The following NLGN1 variants were observed in gnomAD, a reference collection of about 807,000 sequenced individuals.
NLGN1 encodes neuroligin-1.
In NLGN1, 12 loss-of-function variants were observed where a neutral mutation model predicts 65.5. That is an observed-to-expected ratio of 0.18 (90% CI 0.12 to 0.30). The LOEUF (loss-of-function observed/expected upper bound fraction) is 0.30. Among genes scored for constraint, NLGN1 ranks in the 10% least tolerant of loss-of-function variants. The pLI is 1.00. For missense variants in NLGN1, 750 were observed against 1,007.1 expected (o/e 0.74, Z 3.46); for synonymous variants, 350 against 359.5 (o/e 0.97, Z 0.30).
At chr3:174,243,194 C>T (rs1047737396) in intron 4 of NLGN1, among the ~76,000 whole-genome samples, 1 of 152,012 alleles carries the variant, frequency 6.6e-6, no homozygotes, top group Admixed American at 6.5e-5. Flanking sequence ...TTTCTAATAC[C>T]CAAAAAGAAA....
chr3:173,802,579 C>T (rs555739574), intron 3 of NLGN1, among the ~76,000 whole-genome samples: 2 of 152,218 alleles, frequency 1.3e-5, no homozygotes, highest in South Asian at 4.1e-4. Context: ...GTAGATGTGA[C>T]TGTGAATAAA....
chr3:173,638,028 A>G (rs565697628), intron 3 of NLGN1, among the ~76,000 whole-genome samples: 35 of 152,320 alleles, frequency 2.3e-4, no homozygotes, highest in African/African-American at 8.4e-4. Context: ...AGATTTTAAT[A>G]GAGATATTTA....
At chr3:173,646,801 T>C (rs1164230830) in intron 3 of NLGN1, among the ~76,000 whole-genome samples, 1 of 152,120 alleles carries the variant, frequency 6.6e-6, no homozygotes, top group East Asian at 1.9e-4. Context: ...ATGGAACATA[T>C]TGAAAACACA....
intron 4 of NLGN1, among the ~76,000 whole-genome samples, chr3:174,027,828 T>G (rs774710620): frequency 6.6e-6 from 1 of 152,168 alleles, no homozygotes; most frequent in Non-Finnish European, 1.5e-5. Context: ...CATAGATCAG[T>G]GCATATCTGA....
intron 4 of NLGN1, among the ~76,000 whole-genome samples, chr3:174,108,024 T>A (rs918710507): frequency 6.6e-6 from 1 of 152,168 alleles, no homozygotes; most frequent in Non-Finnish European, 1.5e-5. Flanking sequence ...TTGTACCATA[T>A]TTTTATATTT....
chr3:173,667,396 G>T (rs1251488802), intron 3 of NLGN1, among the ~76,000 whole-genome samples: 2 of 151,928 alleles, frequency 1.3e-5, no homozygotes, highest in Non-Finnish European at 2.9e-5. Flanking sequence ...TGGACTTGAA[G>T]AAAAATGGTG....
intron 4 of NLGN1, among the ~76,000 whole-genome samples, chr3:174,201,760 A>T (rs577759393): frequency 6.6e-5 from 10 of 152,326 alleles, no homozygotes; most frequent in African/African-American, 2.2e-4. Flanking sequence ...TTGTGTCTAG[A>T]TAAGGAAACC....
At position 173,638,595 on chromosome 3, in the gene NLGN1, G is replaced by A. The variant is rs181746293; in HGVS notation, c.493+33504G>A. Among the ~76,000 whole-genome samples, 847 of 152,204 alleles carry A rather than the reference G, an allele frequency of 5.6e-3. 6 individuals are homozygous for A. Among genetic ancestry groups the A allele is most frequent in the Non-Finnish European group, 7.8e-3 (529 of 68,012 alleles). Reference sequence around the variant, plus strand: ...TATGTTTATTTGTCTTTTGTAAAATGTACGTACCACACAAGAATTAATGAC... The same window carrying A: ...TATGTTTATTTGTCTTTTGTAAAATATACGTACCACACAAGAATTAATGAC... On this transcript the variant is annotated intron_variant, in intron 3 of 6. Transcript: ENST00000457714.
chr3:173,808,874 C>T (rs1015159219), intron 4 of NLGN1, among the ~76,000 whole-genome samples: 1 of 152,102 alleles, frequency 6.6e-6, no homozygotes, highest in African/African-American at 2.4e-5. Context: ...CTTTTATCCA[C>T]GTTGAGAATC....
At chr3:174,015,031 G>T (rs1265382111) in intron 4 of NLGN1, among the ~76,000 whole-genome samples, 1 of 152,112 alleles carries the variant, frequency 6.6e-6, no homozygotes, top group Non-Finnish European at 1.5e-5. Context: ...AAATCTAGGT[G>T]ATTTTCATGT....
chr3:173,714,738 C>T (rs535784250), intron 3 of NLGN1, among the ~76,000 whole-genome samples: 2 of 151,992 alleles, frequency 1.3e-5, no homozygotes, highest in Non-Finnish European at 2.9e-5. Flanking sequence ...TGCAGGTGCC[C>T]AGAATGTTTT....
At chr3:173,832,049 C>T (rs1329309740) in intron 4 of NLGN1, among the ~76,000 whole-genome samples, 2 of 151,898 alleles carry the variant, frequency 1.3e-5, no homozygotes, top group South Asian at 2.1e-4. Context: ...CCTCAACCTC[C>T]CAGGCTTACG....
chr3:173,869,399 G>T (rs1029926327), intron 4 of NLGN1, among the ~76,000 whole-genome samples: 3 of 152,088 alleles, frequency 2.0e-5, no homozygotes, highest in Non-Finnish European at 2.9e-5. Flanking sequence ...CTTTGTGAGA[G>T]GATAGTATTT....
At chr3:173,522,338 G>A (rs1734896546) in intron 2 of NLGN1, among the ~76,000 whole-genome samples, 1 of 152,076 alleles carries the variant, frequency 6.6e-6, no homozygotes, top group Non-Finnish European at 1.5e-5. Context: ...ACCACATTTT[G>A]TTTATCCAGT....
chr3:174,097,702 T>A (rs376798155), intron 4 of NLGN1, among the ~76,000 whole-genome samples: 6 of 152,254 alleles, frequency 3.9e-5, no homozygotes, highest in African/African-American at 1.4e-4. Context: ...TGGAAAAATA[T>A]CTGATCCAGT....
At chr3:173,498,682 T>C (rs201630762) in intron 2 of NLGN1, among the ~76,000 whole-genome samples, 1 of 151,808 alleles carries the variant, frequency 6.6e-6, no homozygotes, top group East Asian at 1.9e-4. Context: ...AGTGTAAAAG[T>C]GTTCCTATTT....
intron 4 of NLGN1, among the ~76,000 whole-genome samples, chr3:173,833,948 G>T (rs1299346471): frequency 6.6e-6 from 1 of 151,224 alleles, no homozygotes; most frequent in Non-Finnish European, 1.5e-5. Context: ...AAGTCACTCA[G>T]ATTTTTTTAA....
chr3:173,487,527 T>A (rs910798762), intron 2 of NLGN1, among the ~76,000 whole-genome samples: 28 of 152,056 alleles, frequency 1.8e-4, no homozygotes, highest in Non-Finnish European at 2.4e-4. Context: ...ATTGCTTTCA[T>A]TTGTTTAATA....
chr3:173,423,213 C>T (rs1715447572), intron 1 of NLGN1, among the ~76,000 whole-genome samples: 1 of 152,150 alleles, frequency 6.6e-6, no homozygotes, highest in Non-Finnish European at 1.5e-5. Flanking sequence ...TCCCAGCAGG[C>T]CCTTCCCTCA....
Sources: gnomAD v4.1 joint callset for allele counts (sites outside exome capture counted in the v4.1 genomes callset) on GRCh38, gnomAD v4.1.1 for gene constraint, MANE v1.5 for transcripts, NCBI Gene and HGNC (gene_info 2026-07-23, HGNC 2026-07-21) for gene names.